TPST2: variants seen among roughly 807,000 people sequenced by gnomAD.
TPST2 encodes tyrosylprotein sulfotransferase 2.
Under a neutral mutation model 27.8 loss-of-function variants are expected in TPST2, and 16 were observed. The observed-to-expected ratio is 0.58, with a 90% CI of 0.39 to 0.88. The LOEUF (loss-of-function observed/expected upper bound fraction) is 0.88. Among genes scored for constraint, TPST2 ranks in the 40% least tolerant of loss-of-function variants. TPST2 has a pLI of 0.00. For missense variants in TPST2, 464 were observed against 543.1 expected, an observed-to-expected ratio of 0.85 and a Z score of 1.45; for synonymous variants, 229 against 231.7, an observed-to-expected ratio of 0.99 and a Z score of 0.10.
At chr22:26,558,609 G>C (rs937061242) in intron 1 of TPST2, among the ~76,000 whole-genome samples, 2 of 152,158 alleles carry the variant, frequency 1.3e-5, no homozygotes, top group African/African-American at 4.8e-5. Context: ...GCTTCTCTTG[G>C]GGTGGGCTTG....
At chr22:26,559,853 G>T (rs1401674039) in intron 1 of TPST2, among the ~76,000 whole-genome samples, 2 of 152,170 alleles carry the variant, frequency 1.3e-5, no homozygotes, top group African/African-American at 4.8e-5. Context: ...TCACGCAGAA[G>T]CCAGGGAGCT....
Position 26,536,486 on chromosome 22 carries a change from C to A in TPST2, c.843G>T (p.Lys281Asn). 1 of 1,521,208 alleles carries A rather than the reference C, an allele frequency of 6.6e-7. No individual in the cohort carries two copies. Among genetic ancestry groups the A allele is most frequent in the Non-Finnish European group, 8.8e-7 (1 of 1,134,870 alleles). 94.2% of individuals were successfully genotyped at this position (1,521,208 alleles called of 1,614,324 possible). A position where few individuals can be genotyped will look rare whatever the true frequency, so the allele number is the denominator to read the frequency against. Residue 281 changes from lysine (K) to asparagine (N), a missense_variant and splice_region_variant, in exon 4 of 7, where the codon AAG becomes AAT. Coordinates refer to ENST00000338754, the MANE Select transcript of TPST2 (RefSeq NM_003595.5). ...IGKPGGVSLS[K>N]IERSTDQVIK... The stretch of plus-strand genomic sequence containing the variant: ...TGACCTGGTCCGTGGACCGCTCGAT[C>A]CTGGGGAGAGAGGAGACGCTGGAGA...
chr22:26,569,045 A>G (rs2147228667), intron 1 of TPST2, among the ~76,000 whole-genome samples: 1 of 152,016 alleles, frequency 6.6e-6, no homozygotes, highest in African/African-American at 2.4e-5. Context: ...TCGTATTTTC[A>G]GTAGAGACGG....
At chr22:26,568,969 T>C (rs1199402676) in intron 1 of TPST2, among the ~76,000 whole-genome samples, 2 of 149,450 alleles carry the variant, frequency 1.3e-5, no homozygotes, top group Non-Finnish European at 3.0e-5. Flanking sequence ...GTTCACGCCA[T>C]TCTCCTGCCT....
rs888964456 is a variant in TPST2, at chr22:26,537,910, A to G, written c.843-1424T>C. On this transcript the variant is annotated intron_variant, in intron 3 of 6. Transcript: ENST00000338754. ...ACCTCACTCTTTTTGCCAGCTATGTAGCCTTCCTCCATCACTTATTTTTCC... is the reference window on the plus strand; with the variant it reads ...ACCTCACTCTTTTTGCCAGCTATGTGGCCTTCCTCCATCACTTATTTTTCC... Among the ~76,000 whole-genome samples the G allele has an allele frequency of 2.0e-5, 3 of 152,122 alleles. 1 individual carries two copies. Among genetic ancestry groups the G allele is most frequent in the Admixed American group, 2.0e-4 (3 of 15,262 alleles).
At chr22:26,534,864 AAATT>A (rs754723906) in intron 4 of TPST2, among the ~76,000 whole-genome samples, 14 of 152,050 alleles carry the variant, frequency 9.2e-5, no homozygotes, top group Non-Finnish European at 1.5e-4. Context: ...AATAAAATAA[AAATT>A]AATAATATTT....
chr22:26,570,047 GAAAGAA>G (rs1927566191), intron 1 of TPST2, among the ~76,000 whole-genome samples: 1 of 81,648 alleles, frequency 1.2e-5, no homozygotes, highest in Non-Finnish European at 2.4e-5. Flanking sequence ...AAGAAAGACA[GAAAGAA>G]AGAAAGAAAG....
At chr22:26,532,451 T>C (rs1925219467) in intron 5 of TPST2, among the ~76,000 whole-genome samples, 1 of 152,184 alleles carries the variant, frequency 6.6e-6, no homozygotes. Context: ...CGGATAATTT[T>C]TGTATTTTTA....
At position 26,548,399 on chromosome 22, in the gene TPST2, T is replaced by C. The variant is rs147003270; in HGVS notation, c.-160-3724A>G. 3.1e-3 allele frequency among the ~76,000 whole-genome samples: 460 copies of C among 148,372 alleles called. 11 individuals are homozygous for C. The East Asian group carries it at 0.06, about 19-fold the overall frequency. ...GGAGGACATGGCACCACCCGCCTGA[T>C]TGGGCTGATGTGAGTATGAAACCAG... On this transcript the variant is annotated intron_variant, in intron 1 of 6. Coordinates refer to ENST00000338754, the MANE Select transcript of TPST2 (RefSeq NM_003595.5).
chr22:26,533,743 C>T (rs1160711091), intron 4 of TPST2, among the ~76,000 whole-genome samples: 2 of 151,938 alleles, frequency 1.3e-5, no homozygotes, highest in Non-Finnish European at 1.5e-5. Context: ...GGTGCGATCA[C>T]GGCTCACTGC....
chr22:26,584,618 T>C (rs4822742), intron 1 of TPST2, among the ~76,000 whole-genome samples: 21,572 of 152,042 alleles, frequency 0.14, 2,090 homozygotes, highest in South Asian at 0.3. Context: ...TGAGCTATGA[T>C]TGTGCCACAG....
chr22:26,536,250 C>G, intron 4 of TPST2, 38 bp downstream of exon 4: 2 of 1,611,586 alleles, frequency 1.2e-6, no homozygotes, highest in South Asian at 2.2e-5. Flanking sequence ...CCCCATATCC[C>G]CAAGAGTACA....
At chr22:26,532,469 C>T (rs181331458) in intron 5 of TPST2, among the ~76,000 whole-genome samples, 11 of 152,222 alleles carry the variant, frequency 7.2e-5, no homozygotes, top group African/African-American at 9.6e-5. Context: ...TTAGTAGAGA[C>T]GGGGTTTCAC....
chr22:26,589,798 G>T (rs917537164), intron 1 of TPST2, among the ~76,000 whole-genome samples: 2 of 152,094 alleles, frequency 1.3e-5, no homozygotes, highest in African/African-American at 4.8e-5. Flanking sequence ...GGTAACGGGG[G>T]CCCGGTGGAT....
At chr22:26,573,247 T>C (rs1427206669) in intron 1 of TPST2, among the ~76,000 whole-genome samples, 5 of 152,184 alleles carry the variant, frequency 3.3e-5, no homozygotes, top group Non-Finnish European at 7.3e-5. Flanking sequence ...TCCAGGCTGG[T>C]CTCAAACTCC....
Position 26,528,215 on chromosome 22 carries a change from T to A in TPST2, c.*6A>T. ...CCCCAGTGAAGTCCACAGGCTTACC[T>A]GGAAATCACGAGCTTCCTAAGTGGG... On this transcript the variant is annotated splice_region_variant and 3_prime_UTR_variant, in exon 6 of 7. Transcript: ENST00000338754. 1 of 1,561,510 alleles carries A rather than the reference T, an allele frequency of 6.4e-7. No individual in the cohort carries two copies. Among genetic ancestry groups the A allele is most frequent in the African/African-American group, 1.4e-5 (1 of 73,784 alleles).
intron 1 of TPST2, among the ~76,000 whole-genome samples, chr22:26,570,554 CCT>C (rs1450593803): frequency 6.6e-6 from 1 of 152,098 alleles, no homozygotes; most frequent in African/African-American, 2.4e-5. Context: ...CTACTGTGGC[CCT>C]CTCTCCTCCC....
Position 26,531,527 on chromosome 22 carries a change from G to A in TPST2, c.1092+1168C>T, listed in dbSNP as rs547154933. Reference sequence around the variant, plus strand: ...TCGGCCACACTCCCCACTTTCAGGCGTTTACAGTTCCCTCTGCCGGGAAGC... The same window carrying A: ...TCGGCCACACTCCCCACTTTCAGGCATTTACAGTTCCCTCTGCCGGGAAGC... On this transcript the variant is annotated intron_variant, in intron 5 of 6. Transcript: ENST00000338754. Among the ~76,000 whole-genome samples the A allele has an allele frequency of 2.1e-3, 313 of 152,306 alleles. 3 individuals are homozygous for A. The highest frequency in any genetic ancestry group is 7.1e-3 in the African/African-American group (297 of 41,554).
chr22:26,552,916 C>CAG (rs1569186354), intron 1 of TPST2, among the ~76,000 whole-genome samples: 1 of 151,906 alleles, frequency 6.6e-6, no homozygotes. Context: ...AAAAATTAGC[C>CAG]GCGCATGGTG....
Sources: gnomAD v4.1 joint callset for allele counts (sites outside exome capture counted in the v4.1 genomes callset) on GRCh38, gnomAD v4.1.1 for gene constraint, MANE v1.5 for transcripts, NCBI Gene and HGNC (gene_info 2026-07-23, HGNC 2026-07-21) for gene names.